TMEM132E: variants seen among roughly 807,000 people sequenced by gnomAD.
The protein encoded by TMEM132E is transmembrane protein 132E.
Under a neutral mutation model 78.5 loss-of-function variants are expected in TMEM132E, and 49 were observed. The observed-to-expected ratio is 0.62, with a 90% CI of 0.50 to 0.79. The LOEUF (loss-of-function observed/expected upper bound fraction) is 0.79, where lower values mean the gene tolerates loss of function less well. Among genes scored for constraint, TMEM132E ranks in the 30% least tolerant of loss-of-function variants. The pLI is 0.00. For missense variants in TMEM132E, 1,403 were observed against 1,470.9 expected (o/e 0.95, Z 0.75); for synonymous variants, 715 against 670.6 (o/e 1.07, Z -1.02).
In TMEM132E at chr17:34,638,262, C is replaced by G. The variant is rs780024023; in HGVS notation, c.*30C>G. 2 of 1,473,586 alleles carry G rather than the reference C, an allele frequency of 1.4e-6. No homozygotes were observed. Among genetic ancestry groups the G allele is most frequent in the South Asian group, 1.4e-5 (1 of 71,420 alleles). The allele number at this position is 1,473,586 out of a possible 1,614,324, so 91.3% of individuals were successfully genotyped here. ...GCCAGCCGGAGTAGCAGGGACCCCC[C>G]CCCCCAACGGGGTCAGCTCGGGGTA... is the stretch of plus-strand genomic sequence containing the variant. On this transcript the variant is annotated 3_prime_UTR_variant, in exon 9 of 9. Coordinates refer to ENST00000631683, the MANE Select transcript of TMEM132E (RefSeq NM_001304438.2).
Position 34,637,343 on chromosome 17 carries a change from C to G in TMEM132E, c.2336C>G (p.Ser779Ter). 1.2e-6 allele frequency: 2 copies of G among 1,614,034 alleles called. No homozygotes were observed. Among genetic ancestry groups the G allele is most frequent in the Non-Finnish European group, 1.7e-6 (2 of 1,180,054 alleles). ...CTGGTAGTGGCTGAGGCCGAGGGGT[C>G]AGGGGAGCTGCTTCGCGCAGAGCTA... ...FPLVVAEAEG[S>*]GELLRAELTI... Residue 779 changes from serine (S) to a stop codon, truncating the protein, a stop_gained, in exon 9 of 9, where the codon TCA (serine) becomes TGA (stop). Transcript: ENST00000631683. LOFTEE classifies it high-confidence loss of function.
At position 34,637,809 on chromosome 17, in the gene TMEM132E, C is replaced by G. The variant is rs369631537; in HGVS notation, c.2802C>G (p.His934Gln). Reference protein sequence around the residue: ...EGQTSMDHSHHWVFLGNGQPL... With the variant: ...EGQTSMDHSHQWVFLGNGQPL... ...AGACCAGCATGGACCACTCTCACCA[C>G]TGGGTGTTCCTGGGCAACGGGCAGC... Residue 934 changes from histidine to glutamine, a missense_variant, in exon 9 of 9, where the codon CAC (histidine) becomes CAG (glutamine). This residue lies in a region of TMEM132E where 888 missense variants were observed against 952.8 expected (regional missense o/e 0.93). Transcript: ENST00000631683. 26 of 1,612,268 alleles carry G rather than the reference C, an allele frequency of 1.6e-5. No homozygotes were observed. The highest frequency in any genetic ancestry group is 2.1e-5 in the Non-Finnish European group (25 of 1,179,444).
At chr17:34,619,669 A>G (rs1277145624) in intron 1 of TMEM132E, among the ~76,000 whole-genome samples, 25 of 151,886 alleles carry the variant, frequency 1.6e-4, no homozygotes, top group Non-Finnish European at 1.5e-5. Context: ...CTATGTTCCA[A>G]GCATCTGCCA....
At position 34,612,244 on chromosome 17, in the gene TMEM132E, C is replaced by G. The variant is rs989956184; in HGVS notation, c.68-13883C>G. Among the ~76,000 whole-genome samples the G allele has an allele frequency of 3.9e-5, 6 of 152,188 alleles. No homozygotes were observed. In the East Asian group the frequency reaches 1.2e-3, roughly 29 times the overall value. ...CCACTGAAGACACTAGGAAAGTAGACAGCATGTAACTGAGTCAGGGAAACC... is the reference window on the plus strand; with the variant it reads ...CCACTGAAGACACTAGGAAAGTAGAGAGCATGTAACTGAGTCAGGGAAACC... On this transcript the variant is annotated intron_variant, in intron 1 of 8. Coordinates refer to ENST00000631683, the MANE Select transcript of TMEM132E (RefSeq NM_001304438.2).
At chr17:34,581,570 A>G (rs1905483986) in intron 1 of TMEM132E, among the ~76,000 whole-genome samples, 1 of 148,022 alleles carries the variant, frequency 6.8e-6, no homozygotes, top group Admixed American at 6.7e-5. Flanking sequence ...CCGGGCGCGC[A>G]GGCCGGTGCG....
In TMEM132E at chr17:34,622,360, A is replaced by G. The variant is rs1196273407; in HGVS notation, c.68-3767A>G. ...AGGGACCCACCCTGCTCCAATGCTG[A>G]GGAGACTGAAGGGCCCCAGCAGGAT... On this transcript the variant is annotated intron_variant, in intron 1 of 8. Transcript: ENST00000631683. Among the ~76,000 whole-genome samples the G allele has an allele frequency of 2.0e-5, 3 of 152,204 alleles. No individual in the cohort carries two copies. The East Asian group carries it at 5.8e-4, about 29-fold the overall frequency.
chr17:34,591,161 C>T (rs7503223), intron 1 of TMEM132E, among the ~76,000 whole-genome samples: 88,208 of 151,422 alleles, frequency 0.58, 25,853 homozygotes, highest in Admixed American at 0.66. Context: ...TAGCAGCCAA[C>T]TCCTGGAGAG....
rs545542623 is a variant in TMEM132E, at chr17:34,606,573, C to CT, written c.68-19553dup. Among the ~76,000 whole-genome samples the CT allele has an allele frequency of 2.0e-5, 3 of 152,308 alleles. No homozygotes were observed. The South Asian group carries it at 6.2e-4, about 32-fold the overall frequency. On this transcript the variant is annotated intron_variant, in intron 1 of 8. Coordinates refer to ENST00000631683, the MANE Select transcript of TMEM132E (RefSeq NM_001304438.2). ...TCTGGATTTGTTCTGCCCCACAGCTCTACCTCCCCTTCGCCCTCACAGACT... is the reference window on the plus strand; with the variant it reads ...TCTGGATTTGTTCTGCCCCACAGCTCTTACCTCCCCTTCGCCCTCACAGACT...
intron 1 of TMEM132E, among the ~76,000 whole-genome samples, chr17:34,603,031 C>G (rs956214172): frequency 2.0e-5 from 3 of 152,150 alleles, no homozygotes; most frequent in Non-Finnish European, 4.4e-5. Flanking sequence ...GGCACAGAGG[C>G]TGTGTCCTCC....
In TMEM132E at chr17:34,639,202, C is replaced by G. The variant is rs989103152; in HGVS notation, c.*970C>G. On this transcript the variant is annotated 3_prime_UTR_variant, in exon 9 of 9. Coordinates refer to ENST00000631683, the MANE Select transcript of TMEM132E (RefSeq NM_001304438.2). ...AGAAGGGAGCCAGTGTCGCCCCTAC[C>G]CCATCCCACAGCCATTTTTCTCTCG... The G allele has an allele frequency of 3.3e-5, 5 of 152,684 alleles. No homozygotes were observed. Among genetic ancestry groups the G allele is most frequent in the Admixed American group, 6.5e-5 (1 of 15,296 alleles). The allele number at this position is 152,684 out of a possible 1,614,324, so 9.5% of individuals were successfully genotyped here.
rs1418055684 is a variant in TMEM132E at position 34,580,069 on chromosome 17, C to T, written c.-1008C>T. ...AGGAGCGAGGCGGGGCAGCGCGCCT[C>T]TCTGCCGAGACAGCGAGACCTTAGC... On this transcript the variant is annotated 5_prime_UTR_variant, in exon 1 of 9. Transcript: ENST00000631683. 6.6e-6 allele frequency: 1 copy of T among 152,578 alleles called. No homozygotes were observed. Among genetic ancestry groups the T allele is most frequent in the Non-Finnish European group, 1.5e-5 (1 of 68,336 alleles). The allele number at this position is 152,578 out of a possible 1,614,324, so 9.5% of individuals were successfully genotyped here.
In TMEM132E at chr17:34,626,960, C is replaced by T. The variant is rs1240119605; in HGVS notation, c.901C>T (p.Arg301Trp). The T allele has an allele frequency of 3.1e-6, 5 of 1,613,918 alleles. No individual in the cohort carries two copies. The highest frequency in any genetic ancestry group is 1.3e-5 in the African/African-American group (1 of 75,064). The change falls in exon 2 of 9, where the codon CGG becomes TGG. Residue 301 changes from arginine to tryptophan, a missense_variant. Around this residue, in one of 3 missense-constraint regions of TMEM132E, gnomAD observed 511 missense variants for 499.0 expected, o/e 1.02. Coordinates refer to ENST00000631683, the MANE Select transcript of TMEM132E (RefSeq NM_001304438.2). ...DSNLMIRLPDRPLKPGEVLSI... is the reference protein window; with the variant it reads ...DSNLMIRLPDWPLKPGEVLSI... Reference sequence around the variant, plus strand: ...CAACCTGATGATCCGCCTGCCAGACCGGCCCCTCAAGCCCGGGGAAGTGCT... The same window carrying T: ...CAACCTGATGATCCGCCTGCCAGACTGGCCCCTCAAGCCCGGGGAAGTGCT...
chr17:34,634,870 C>A lies in TMEM132E; in HGVS notation c.1760C>A (p.Thr587Asn), dbSNP rs1027951779. 76 of 1,614,022 alleles carry A rather than the reference C, an allele frequency of 4.7e-5. No individual in the cohort carries two copies. Among genetic ancestry groups the A allele is most frequent in the East Asian group, 6.7e-5 (3 of 44,878 alleles). Residue 587 changes from threonine to asparagine, a missense_variant, in exon 7 of 9, where the codon ACC becomes AAC. Thr to Asn is a moderately conservative substitution (Grantham distance 65, BLOSUM62 0). Coordinates refer to ENST00000631683, the MANE Select transcript of TMEM132E (RefSeq NM_001304438.2). ...CGGCAGAGTGCAAGCCGTGGCTGCA[C>A]CCTGCAGTACCAGCATGCCACCCTG... ...ERRQSASRGC[T>N]LQYQHATLQV...
At chr17:34,586,842 G>A (rs1256980113) in intron 1 of TMEM132E, among the ~76,000 whole-genome samples, 1 of 151,906 alleles carries the variant, frequency 6.6e-6, no homozygotes, top group African/African-American at 2.4e-5. Flanking sequence ...GATAATTGAA[G>A]AAAATCTCTT....
intron 1 of TMEM132E, among the ~76,000 whole-genome samples, chr17:34,595,983 T>C (rs1906044461): frequency 6.6e-6 from 1 of 152,132 alleles, no homozygotes; most frequent in African/African-American, 2.4e-5. Flanking sequence ...ACTGGTTTTC[T>C]TATTTTTCCC....
At chr17:34,586,632 T>G (rs1221833158) in intron 1 of TMEM132E, among the ~76,000 whole-genome samples, 1 of 152,096 alleles carries the variant, frequency 6.6e-6, no homozygotes, top group African/African-American at 2.4e-5. Context: ...CATTTGACCC[T>G]TTCAGCTCCC....
At position 34,637,541 on chromosome 17, in the gene TMEM132E, C is replaced by G. The variant is rs1907567948; in HGVS notation, c.2534C>G (p.Pro845Arg). 3.8e-6 allele frequency: 6 copies of G among 1,597,228 alleles called. No individual in the cohort carries two copies. Among genetic ancestry groups the G allele is most frequent in the Admixed American group, 3.4e-5 (2 of 59,146 alleles). Residue 845 changes from proline (P) to arginine (R), a missense_variant, in exon 9 of 9, where the codon CCG (proline) becomes CGG (arginine). Transcript: ENST00000631683. Reference sequence around the variant, plus strand: ...GACGAGGCCCGGGGAGCTGGCCCGCCGGGCTCTGCGCTACCCGCACCGGAG... The same window carrying G: ...GACGAGGCCCGGGGAGCTGGCCCGCGGGGCTCTGCGCTACCCGCACCGGAG... ...GEDEARGAGP[P>R]GSALPAPEAP...
At chr17:34,615,812 G>A (rs1183801158) in intron 1 of TMEM132E, among the ~76,000 whole-genome samples, 1 of 151,978 alleles carries the variant, frequency 6.6e-6, no homozygotes, top group South Asian at 2.1e-4. Context: ...TGACTCAGGA[G>A]GCCGTGTGGG....
chr17:34,629,900 G>A lies in TMEM132E; in HGVS notation c.1339-108G>A, dbSNP rs1487183138. 31 of 1,258,312 alleles carry A rather than the reference G, an allele frequency of 2.5e-5. No homozygotes were observed. In the East Asian group the frequency reaches 3.2e-4, roughly 13 times the overall value. 77.9% of individuals were successfully genotyped at this position (1,258,312 alleles called of 1,614,324 possible). A position where few individuals can be genotyped will look rare whatever the true frequency, so the allele number is the denominator to read the frequency against. On this transcript the variant is annotated intron_variant, in intron 4 of 8. Coordinates refer to ENST00000631683, the MANE Select transcript of TMEM132E (RefSeq NM_001304438.2). ...GTGCAAGTGTCCCCACTGGAAGGAT[G>A]TGCATCTGAGGAGTGGGGGGGGAGC...
Sources: gnomAD v4.1 joint callset for allele counts (sites outside exome capture counted in the v4.1 genomes callset) on GRCh38, gnomAD v4.1.1 for gene constraint, gnomAD v4.1.1 regional missense constraint, MANE v1.5 for transcripts, NCBI Gene and HGNC (gene_info 2026-07-23, HGNC 2026-07-21) for gene names.